The following ART1 variants were observed in gnomAD, a reference collection of about 807,000 sequenced individuals.
The protein encoded by ART1 is ADP-ribosyltransferase 1.
Under a neutral mutation model 27.0 loss-of-function variants are expected in ART1, and 29 were observed. That is an observed-to-expected ratio of 1.08 (90% CI 0.80 to 1.47). The LOEUF is 1.47. ART1 is among the 40% of genes most tolerant of loss of function. ART1 has a pLI of 0.00. For synonymous variants in ART1, 201 were observed against 172.2 expected, an observed-to-expected ratio of 1.17 and a Z score of -1.31; for missense variants, 480 against 423.0, an observed-to-expected ratio of 1.13 and a Z score of -1.18.
intron 1 of ART1, among the ~76,000 whole-genome samples, chr11:3,648,652 C>G (rs1006594866): frequency 6.6e-6 from 1 of 152,164 alleles, no homozygotes. Context: ...GGGAAGGCAG[C>G]CTTCCCTTGG....
intron 1 of ART1, among the ~76,000 whole-genome samples, chr11:3,653,770 C>A (rs1409290505): frequency 1.3e-5 from 2 of 151,702 alleles, no homozygotes; most frequent in Non-Finnish European, 2.9e-5. Flanking sequence ...GACATCAAGT[C>A]TTGTAAATTC....
intron 1 of ART1, among the ~76,000 whole-genome samples, chr11:3,651,327 A>G (rs1437935409): frequency 1.3e-5 from 2 of 151,108 alleles, no homozygotes; most frequent in South Asian, 2.1e-4. Context: ...AGCCCCCATT[A>G]CTTCAGTCAA....
rs2077466896 is a variant in ART1, at chr11:3,645,924, C to A, written c.-53+745C>A. Among the ~76,000 whole-genome samples the A allele has an allele frequency of 2.0e-5, 3 of 152,222 alleles. No homozygotes were observed. The South Asian group carries it at 6.2e-4, about 32-fold the overall frequency. On this transcript the variant is annotated intron_variant, in intron 1 of 4. Transcript: ENST00000250693. Reference sequence around the variant, plus strand: ...AGCCACAGGGAGGGTAACCACGGAGCCGCACCTGCGACGTTGTTCTGCACT... The same window carrying A: ...AGCCACAGGGAGGGTAACCACGGAGACGCACCTGCGACGTTGTTCTGCACT...
chr11:3,662,037 T>A (rs1462479473), intron 4 of ART1, among the ~76,000 whole-genome samples: 1 of 152,156 alleles, frequency 6.6e-6, no homozygotes, highest in Non-Finnish European at 1.5e-5. Flanking sequence ...GAAGGGCTGC[T>A]CCCCACAAAG....
intron 1 of ART1, among the ~76,000 whole-genome samples, chr11:3,657,062 G>A (rs1276078881): frequency 6.6e-6 from 1 of 152,174 alleles, no homozygotes; most frequent in Non-Finnish European, 1.5e-5. Context: ...GTGTCTTAGA[G>A]TCACTGAACT....
chr11:3,657,808 T>G (rs1260229103), intron 1 of ART1, among the ~76,000 whole-genome samples: 1 of 152,156 alleles, frequency 6.6e-6, no homozygotes, highest in Admixed American at 6.5e-5. Context: ...TTTATATACC[T>G]AAATATTCAC....
intron 4 of ART1, 38 bp from the exon 5 acceptor site, chr11:3,664,054 T>A: frequency 7.5e-6 from 12 of 1,604,210 alleles, no homozygotes; most frequent in Non-Finnish European, 1.0e-5. Context: ...TTTTTTTCTC[T>A]CTCTCTCCCC....
At chr11:3,657,348 G>A (rs953744924) in intron 1 of ART1, among the ~76,000 whole-genome samples, 4 of 152,196 alleles carry the variant, frequency 2.6e-5, no homozygotes, top group Admixed American at 2.0e-4. Context: ...GCCAAGGTGG[G>A]TAGAATGCTT....
chr11:3,652,991 C>A (rs2077537372), intron 1 of ART1, among the ~76,000 whole-genome samples: 1 of 148,074 alleles, frequency 6.8e-6, no homozygotes, highest in Non-Finnish European at 1.5e-5. Flanking sequence ...TCCAGGCCAT[C>A]ACCAATAATT....
intron 1 of ART1, among the ~76,000 whole-genome samples, chr11:3,653,436 G>A (rs1277552518): frequency 6.8e-6 from 1 of 148,002 alleles, no homozygotes; most frequent in Non-Finnish European, 1.5e-5. Flanking sequence ...CGCACCTTGT[G>A]ACCCCCACTC....
At chr11:3,651,037 C>T (rs1013688761) in intron 1 of ART1, among the ~76,000 whole-genome samples, 9 of 152,006 alleles carry the variant, frequency 5.9e-5, no homozygotes, top group Non-Finnish European at 8.8e-5. Flanking sequence ...CCATTTTATC[C>T]GTCCTAAAAC....
chr11:3,662,298 C>A (rs953424466), intron 4 of ART1, among the ~76,000 whole-genome samples: 5 of 152,212 alleles, frequency 3.3e-5, no homozygotes, highest in Non-Finnish European at 7.3e-5. Context: ...TCTCTTCCCT[C>A]GGACACTTGG....
At chr11:3,663,055 C>CAT (rs1351979897) in intron 4 of ART1, among the ~76,000 whole-genome samples, 1 of 122,184 alleles carries the variant, frequency 8.2e-6, no homozygotes. Flanking sequence ...CATCTCATCT[C>CAT]ATCTCATCTC....
intron 3 of ART1, 74 bp downstream of exon 3, chr11:3,660,437 C>A: frequency 6.7e-7 from 1 of 1,500,430 alleles, no homozygotes; most frequent in Admixed American, 1.9e-5. Flanking sequence ...TTTGGCAAAC[C>A]GAAGCCCCTA....
intron 1 of ART1, among the ~76,000 whole-genome samples, chr11:3,653,320 T>C (rs1318388972): frequency 6.7e-6 from 1 of 148,648 alleles, no homozygotes; most frequent in Non-Finnish European, 1.5e-5. Context: ...ACTGATGACA[T>C]TCCACCACAA....
chr11:3,655,019 C>T (rs577273286), intron 1 of ART1, among the ~76,000 whole-genome samples: 1 of 152,192 alleles, frequency 6.6e-6, no homozygotes, highest in Non-Finnish European at 1.5e-5. Context: ...ATCTCAGTGG[C>T]AAACAAACAT....
chr11:3,645,272 A>C, intron 1 of ART1, 93 bp downstream of exon 1: 1 of 152,116 alleles, frequency 6.6e-6, no homozygotes, highest in East Asian at 1.9e-4. Context: ...TTTAGGAGTC[A>C]TGAGAAAAAG....
chr11:3,652,098 G>A (rs985532939), intron 1 of ART1, among the ~76,000 whole-genome samples: 23 of 151,152 alleles, frequency 1.5e-4, no homozygotes, highest in Admixed American at 9.2e-4. Flanking sequence ...GATCATTCAG[G>A]CCCCCTCCCT....
At chr11:3,658,808 G>A (rs1459892744) in intron 1 of ART1, among the ~76,000 whole-genome samples, 2 of 152,100 alleles carry the variant, frequency 1.3e-5, no homozygotes, top group South Asian at 2.1e-4. Flanking sequence ...TTCCTACCCC[G>A]CAAGCTCTGC....
Sources: allele counts gnomAD v4.1 joint callset (sites outside exome capture counted in the v4.1 genomes callset), GRCh38; gene constraint gnomAD v4.1.1; transcripts MANE v1.5; gene names NCBI Gene and HGNC (gene_info 2026-07-23, HGNC 2026-07-21).